Variants in CREBL2 observed in about 807,000 individuals in gnomAD.
CREBL2 encodes cAMP responsive element binding protein like 2, also known as cAMP-responsive element-binding protein-like 2.
In CREBL2, 4 loss-of-function variants were observed where a neutral mutation model predicts 19.5. That is an observed-to-expected ratio of 0.20 (90% CI 0.10 to 0.47). The LOEUF (loss-of-function observed/expected upper bound fraction) is 0.47. Ranked by LOEUF, CREBL2 falls within the 20% of genes least tolerant of loss-of-function variation. The pLI is 0.98. For synonymous variants in CREBL2, 42 were observed against 46.6 expected (o/e 0.90, Z 0.40); for missense variants, 85 against 145.1 (o/e 0.59, Z 2.13).
chr12:12,637,626 C>G lies in CREBL2; in HGVS notation c.270C>G (p.Ala90=). Reference sequence around the variant, plus strand: ...GAAAAATCCCTTCTGAAATAAAGGCCCTACTCACTGGAGAAGAGCAGAACA... The same window carrying G: ...GAAAAATCCCTTCTGAAATAAAGGCGCTACTCACTGGAGAAGAGCAGAACA... The part of the protein sequence containing the change: ...DQGKIPSEIK[A]LLTGEEQNKS... The change falls in exon 3 of 4, where the codon GCC becomes GCG. Residue 90 remains alanine (A), a synonymous_variant. Transcript: ENST00000228865. The G allele has an allele frequency of 6.2e-7, 1 of 1,612,976 alleles. No individual in the cohort carries two copies. Among genetic ancestry groups the G allele is most frequent in the South Asian group, 1.1e-5 (1 of 90,964 alleles).
Position 12,637,730 on chromosome 12 carries a change from G to A in CREBL2, c.358+16G>A, listed in dbSNP as rs752109770. 6.3e-7 allele frequency: 1 copy of A among 1,595,448 alleles called. No individual in the cohort carries two copies. The highest frequency in any genetic ancestry group is 2.2e-5 in the East Asian group (1 of 44,530). ...AGCAATTCCTGTAAGTGCCATCAAT[G>A]GGAGAATTTATATTTAAGAGAGTGT... On this transcript the variant is annotated intron_variant, in intron 3 of 3. Coordinates refer to ENST00000228865, the MANE Select transcript of CREBL2 (RefSeq NM_001310.4).
rs779362952 is a variant in CREBL2, at chr12:12,637,591, A to G, written c.235A>G (p.Met79Val). 8 of 1,604,530 alleles carry G rather than the reference A, an allele frequency of 5.0e-6. No homozygotes were observed. In the East Asian group the frequency reaches 6.7e-5, roughly 13 times the overall value. Residue 79 changes from methionine to valine, a missense_variant, in exon 3 of 4, where the codon ATG becomes GTG. By Grantham distance (21) the Met-to-Val change is conservative. This residue lies in a region of CREBL2 where 22 missense variants were observed against 46.7 expected (regional missense o/e 0.47). Transcript: ENST00000228865. ...TCAGTACAAGCAGTGGTGCATGGCA[A>G]TGGACCAAGGAAAAATCCCTTCTGA... ...LEMYKQWCMA[M>V]DQGKIPSEIK...
intron 1 of CREBL2, among the ~76,000 whole-genome samples, chr12:12,633,312 G>A (rs1945453981): frequency 1.3e-5 from 2 of 151,116 alleles, no homozygotes; most frequent in South Asian, 4.4e-4. Flanking sequence ...GTGGGCACCT[G>A]TAATCCCAGC....
At chr12:12,637,233 T>TA (rs56369648) in intron 2 of CREBL2, among the ~76,000 whole-genome samples, 138,554 of 148,758 alleles carry the variant, frequency 0.93, 64,556 homozygotes, top group Non-Finnish European at 0.96. Flanking sequence ...TGACAATTAT[T>TA]AAAAAAAAAA....
At chr12:12,614,630 G>C (rs1945294960) in intron 1 of CREBL2, 1 of 290,632 alleles carries the variant, frequency 3.4e-6, no homozygotes, top group Non-Finnish European at 6.7e-6. Context: ...TCCATTCCTA[G>C]CTAATTTTTT....
intron 3 of CREBL2, 75 bp from the exon 4 acceptor site, chr12:12,641,919 A>G: frequency 1.0e-6 from 1 of 984,846 alleles, no homozygotes; most frequent in Non-Finnish European, 1.5e-6. Context: ...AAAAAAATTT[A>G]TGCATCTTAA....
chr12:12,614,770 C>A, intron 1 of CREBL2: 1 of 349,952 alleles, frequency 2.9e-6, no homozygotes, highest in South Asian at 2.4e-5. Flanking sequence ...GAATCTTTCC[C>A]TTTTTTGTTT....
At chr12:12,619,883 C>T (rs945831697) in intron 1 of CREBL2, among the ~76,000 whole-genome samples, 7 of 152,310 alleles carry the variant, frequency 4.6e-5, no homozygotes, top group African/African-American at 1.4e-4. Context: ...TTGTGTTCTA[C>T]GTGATTATCT....
intron 2 of CREBL2, among the ~76,000 whole-genome samples, chr12:12,637,000 A>G (rs1167896462): frequency 6.6e-6 from 1 of 152,218 alleles, no homozygotes; most frequent in African/African-American, 2.4e-5. Context: ...GCTATTCAGT[A>G]GATTTTTTTG....
chr12:12,644,198 A>G lies in CREBL2; in HGVS notation c.*2200A>G, dbSNP rs75852616. 356 of 152,340 alleles carry G rather than the reference A, an allele frequency of 2.3e-3. 2 individuals are homozygous for G. Among genetic ancestry groups the G allele is most frequent in the African/African-American group, 8.2e-3 (339 of 41,556 alleles). 9.4% of individuals were successfully genotyped at this position (152,340 alleles called of 1,614,324 possible). ...TTTATTTGAGGTTATTCCTAAACCT[A>G]TTTATTTGGTGTTTTGGAGGAGATC... On this transcript the variant is annotated 3_prime_UTR_variant, in exon 4 of 4. Transcript: ENST00000228865.
At position 12,644,605 on chromosome 12, in the gene CREBL2, A is replaced by G. The variant is rs11544620; in HGVS notation, c.*2607A>G. The G allele has an allele frequency of 6.5e-6, 1 of 152,690 alleles. No individual in the cohort carries two copies. Among genetic ancestry groups the G allele is most frequent in the African/African-American group, 2.4e-5 (1 of 41,470 alleles). The allele number at this position is 152,690 out of a possible 1,614,324, so 9.5% of individuals were successfully genotyped here. The stretch of plus-strand genomic sequence containing the variant: ...AATATAATATGGAATAAGTTTGACC[A>G]GGTCAAGTTTTAGGATATAGTTGAA... On this transcript the variant is annotated 3_prime_UTR_variant, in exon 4 of 4. Coordinates refer to ENST00000228865, the MANE Select transcript of CREBL2 (RefSeq NM_001310.4).
chr12:12,612,135 G>A lies in CREBL2; in HGVS notation c.-38G>A, dbSNP rs764059367. The A allele has an allele frequency of 1.4e-5, 23 of 1,609,324 alleles. No homozygotes were observed. The African/African-American group carries it at 2.5e-4, about 18-fold the overall frequency. The stretch of plus-strand genomic sequence containing the variant: ...GCCGGCTGAGCCGGGGGAGGGCTCC[G>A]GGAGGGAGTGCCTGGCCAGGCCGGC... On this transcript the variant is annotated 5_prime_UTR_variant, in exon 1 of 4. Transcript: ENST00000228865.
chr12:12,627,391 T>A (rs1382395245), intron 1 of CREBL2, among the ~76,000 whole-genome samples: 1 of 152,160 alleles, frequency 6.6e-6, no homozygotes, highest in East Asian at 1.9e-4. Context: ...CTGAGGCCAT[T>A]AACAGGCACT....
intron 1 of CREBL2, among the ~76,000 whole-genome samples, chr12:12,618,957 C>A (rs567997705): frequency 6.6e-6 from 1 of 152,194 alleles, no homozygotes; most frequent in Admixed American, 6.5e-5. Context: ...GAGAATCAGG[C>A]AGGGAGGTTG....
intron 1 of CREBL2, among the ~76,000 whole-genome samples, chr12:12,624,569 C>T (rs189953939): frequency 1.1e-4 from 17 of 152,316 alleles, no homozygotes; most frequent in African/African-American, 1.4e-4. Context: ...GCACGGGAAT[C>T]GGCCAGCTGC....
chr12:12,617,226 G>A (rs1945317476), intron 1 of CREBL2, among the ~76,000 whole-genome samples: 2 of 152,144 alleles, frequency 1.3e-5, no homozygotes, highest in Non-Finnish European at 2.9e-5. Context: ...TTGCCCTGAT[G>A]TACTCGGGCT....
intron 1 of CREBL2, among the ~76,000 whole-genome samples, chr12:12,635,145 A>C (rs1383365070): frequency 6.6e-6 from 1 of 152,000 alleles, no homozygotes; most frequent in Non-Finnish European, 1.5e-5. Context: ...GGATCAGTTA[A>C]GCCTAGGAGT....
intron 1 of CREBL2, among the ~76,000 whole-genome samples, chr12:12,621,133 G>A (rs1945356121): frequency 6.6e-6 from 1 of 152,216 alleles, no homozygotes; most frequent in Non-Finnish European, 1.5e-5. Context: ...TATGGTCTCT[G>A]TTGGAATTAT....
At chr12:12,618,509 G>A in intron 1 of CREBL2, among the ~76,000 whole-genome samples, 1 of 151,804 alleles carries the variant, frequency 6.6e-6, no homozygotes. Context: ...TTCCTAGACG[G>A]GATGGCGGCC....
Sources: allele counts gnomAD v4.1 joint callset (sites outside exome capture counted in the v4.1 genomes callset), GRCh38; gene constraint gnomAD v4.1.1; regional missense constraint gnomAD v4.1.1; transcripts MANE v1.5; gene names NCBI Gene and HGNC (gene_info 2026-07-23, HGNC 2026-07-21).